The following SLC11A2 variants were observed in gnomAD, a reference collection of about 807,000 sequenced individuals.
SLC11A2 encodes the protein solute carrier family 11 member 2.
SLC11A2 carries 38 observed loss-of-function variants against 68.0 expected under a neutral mutation model. The ratio of observed to expected loss-of-function variants is 0.56; its 90% CI spans 0.43 to 0.73. The LOEUF (loss-of-function observed/expected upper bound fraction) is 0.73, where lower values mean the gene tolerates loss of function less well. SLC11A2 is among the 30% of genes least tolerant of loss of function. The probability of loss-of-function intolerance (pLI) is 0.00; values close to 1 mark genes in which losing one functional copy is unlikely to be tolerated. For synonymous variants in SLC11A2, 242 were observed against 250.6 expected, an observed-to-expected ratio of 0.97 and a Z score of 0.32; for missense variants, 517 against 690.5, an observed-to-expected ratio of 0.75 and a Z score of 2.82.
At chr12:51,005,560 G>T in intron 3 of SLC11A2, 124 bp from the exon 4 acceptor site, 1 of 1,529,112 alleles carries the variant, frequency 6.5e-7, no homozygotes, top group Non-Finnish European at 8.8e-7. Flanking sequence ...TACAATGTCA[G>T]ATATTGCATG....
downstream of SLC11A2, among the ~76,000 whole-genome samples, chr12:50,976,777 A>G (rs1488780748): frequency 6.6e-6 from 1 of 152,240 alleles, no homozygotes; most frequent in African/African-American, 2.4e-5. Flanking sequence ...TCTCAAGGTG[A>G]TAAGCAACTT....
intron 1 of SLC11A2, among the ~76,000 whole-genome samples, chr12:51,025,333 A>G (rs1484938390): frequency 6.6e-6 from 1 of 152,228 alleles, no homozygotes; most frequent in African/African-American, 2.4e-5. Flanking sequence ...AACTAATTTC[A>G]TACCAACAAC....
Position 50,990,871 on chromosome 12 carries a change from C to G in SLC11A2, c.1499G>C (p.Arg500Pro), listed in dbSNP as rs758722269. ...ATATAATGCCACATGCCCTAGGTCCCGGACATAAACCACTACAAAGTACAT... is the reference window on the plus strand; with the variant it reads ...ATATAATGCCACATGCCCTAGGTCCGGGACATAAACCACTACAAAGTACAT... Reference protein sequence around the residue: ...INMYFVVVYVRDLGHVALYVV... With the variant: ...INMYFVVVYVPDLGHVALYVV... The change falls in exon 15 of 16, where the codon CGG (arginine) becomes CCG (proline). Residue 500 changes from arginine to proline, a missense_variant. Arg to Pro is a moderately radical substitution (Grantham distance 103). Transcript: ENST00000262052. The G allele has an allele frequency of 1.2e-6, 2 of 1,613,948 alleles. No homozygotes were observed.
downstream of SLC11A2, among the ~76,000 whole-genome samples, chr12:50,976,047 G>A (rs897771620): frequency 1.3e-5 from 2 of 152,140 alleles, no homozygotes; most frequent in Non-Finnish European, 2.9e-5. Context: ...ATTCACAGCC[G>A]AATTCTACCA....
the SLC11A2 span, among the ~76,000 whole-genome samples, chr12:50,961,843 T>C: frequency 6.6e-6 from 1 of 152,184 alleles, no homozygotes; most frequent in Non-Finnish European, 1.5e-5. Context: ...GGCATGGGGC[T>C]TGCAAGGAAA....
At chr12:50,957,024 A>G in the SLC11A2 span, among the ~76,000 whole-genome samples, 1 of 151,498 alleles carries the variant, frequency 6.6e-6, no homozygotes, top group African/African-American at 2.4e-5. Context: ...TCTGTAGCAC[A>G]TTAGTCATTT....
chr12:50,954,100 CA>C, the SLC11A2 span: 7 of 1,525,564 alleles, frequency 4.6e-6, no homozygotes, highest in Non-Finnish European at 6.4e-6. Flanking sequence ...TAGGTAAGTA[CA>C]AGCCTTGACT....
chr12:51,010,348 T>C (rs182205716), intron 2 of SLC11A2, among the ~76,000 whole-genome samples: 49 of 152,104 alleles, frequency 3.2e-4, no homozygotes, highest in South Asian at 6.2e-4. Flanking sequence ...CGAAACCCTG[T>C]CTCTACTAAA....
At chr12:50,958,636 T>C in the SLC11A2 span, among the ~76,000 whole-genome samples, 1 of 152,036 alleles carries the variant, frequency 6.6e-6, no homozygotes, top group African/African-American at 2.4e-5. Flanking sequence ...CTGGCTGATA[T>C]TAAGGCTTAC....
chr12:51,012,793 T>C (rs1943337551), intron 1 of SLC11A2, among the ~76,000 whole-genome samples: 1 of 152,154 alleles, frequency 6.6e-6, no homozygotes, highest in Non-Finnish European at 1.5e-5. Context: ...TAGCCATGTG[T>C]CTCCTGTCAG....
chr12:50,970,329 T>G, the SLC11A2 span: 2 of 696,610 alleles, frequency 2.9e-6, no homozygotes, highest in Non-Finnish European at 5.0e-6. Flanking sequence ...AGGAGGGCCT[T>G]TGTTTGTTTC....
At chr12:51,025,876 C>G (rs1193646591) in intron 1 of SLC11A2, 4 of 988,204 alleles carry the variant, frequency 4.0e-6, no homozygotes, top group Non-Finnish European at 3.6e-6. Context: ...CGGGAGGCCC[C>G]GGAGAGCAGC....
At chr12:50,961,103 G>A in the SLC11A2 span, 1 of 1,613,624 alleles carries the variant, frequency 6.2e-7, no homozygotes. Context: ...GTGACTCTAG[G>A]TAACCCGCTT....
At position 50,992,746 on chromosome 12, in the gene SLC11A2, AGAAG is replaced by A. The variant is rs1158173582; in HGVS notation, c.1197+60_1197+63del. The A allele has an allele frequency of 9.5e-5, 78 of 820,672 alleles. No homozygotes were observed. In the African/African-American group the frequency reaches 1.3e-3, roughly 13 times the overall value. 50.8% of individuals were successfully genotyped at this position (820,672 alleles called of 1,614,324 possible). A position where few individuals can be genotyped will look rare whatever the true frequency, so the allele number is the denominator to read the frequency against. On this transcript the variant is annotated intron_variant, in intron 12 of 15. Transcript: ENST00000262052. ...ACTCCATCTCAAAAAAAAAAAAAAA[AGAAG>A]AAGAAGAAGAAGTAACAAAAGGGTT...
chr12:50,987,198 T>C lies in SLC11A2; in HGVS notation c.*1127A>G. The C allele has an allele frequency of 1.6e-6, 2 of 1,286,894 alleles. No homozygotes were observed. The highest frequency in any genetic ancestry group is 2.0e-6 in the Non-Finnish European group (2 of 988,478). The allele number at this position is 1,286,894 out of a possible 1,614,324, so 79.7% of individuals were successfully genotyped here. ...CTCTGAGGAAACAGCTGTAGAGAGG[T>C]AGCCCAGTTCAACTTTGCTGAGACA... On this transcript the variant is annotated 3_prime_UTR_variant, in exon 16 of 16. Transcript: ENST00000262052.
At chr12:50,963,129 G>C in the SLC11A2 span, among the ~76,000 whole-genome samples, 4 of 152,028 alleles carry the variant, frequency 2.6e-5, no homozygotes, top group Non-Finnish European at 5.9e-5. Flanking sequence ...CAGCACTTTG[G>C]GAGGCCGAGG....
downstream of SLC11A2, among the ~76,000 whole-genome samples, chr12:50,975,866 C>T: frequency 6.6e-6 from 1 of 152,182 alleles, no homozygotes; most frequent in East Asian, 1.9e-4. Flanking sequence ...ATGAACACCC[C>T]TACGCAAATA....
intron 1 of SLC11A2, among the ~76,000 whole-genome samples, chr12:51,020,860 T>A (rs1392744651): frequency 6.6e-6 from 1 of 152,152 alleles, no homozygotes. Flanking sequence ...TCCCAGCACT[T>A]TGGGAGGCTG....
chr12:50,959,684 G>A, the SLC11A2 span, among the ~76,000 whole-genome samples: 1 of 152,052 alleles, frequency 6.6e-6, no homozygotes, highest in Admixed American at 6.6e-5. Flanking sequence ...GTCTTGCTCT[G>A]TCACCCAAGC....
Sources: gnomAD v4.1 joint callset for allele counts (sites outside exome capture counted in the v4.1 genomes callset) on GRCh38, gnomAD v4.1.1 for gene constraint, MANE v1.5 for transcripts, NCBI Gene and HGNC (gene_info 2026-07-23, HGNC 2026-07-21) for gene names.